Variants in PTPRO observed in about 807,000 individuals in gnomAD.
The protein encoded by PTPRO is protein tyrosine phosphatase receptor type O.
Under a neutral mutation model 145.2 loss-of-function variants are expected in PTPRO, and 62 were observed. The ratio of observed to expected loss-of-function variants is 0.43; its 90% CI spans 0.35 to 0.53. The LOEUF (loss-of-function observed/expected upper bound fraction) is 0.53. Ranked by LOEUF, PTPRO falls within the 20% of genes least tolerant of loss-of-function variation. The pLI is 0.01. For synonymous variants in PTPRO, 565 were observed against 514.7 expected, an observed-to-expected ratio of 1.10 and a Z score of -1.32; for missense variants, 1,345 against 1,482.7, an observed-to-expected ratio of 0.91 and a Z score of 1.53.
chr12:15,323,085 T>C (rs556358983), intron 1 of PTPRO, among the ~76,000 whole-genome samples: 14 of 152,360 alleles, frequency 9.2e-5, no homozygotes, highest in Admixed American at 6.5e-5. Flanking sequence ...AAAGGTGGGC[T>C]TGTTGGATCG....
At chr12:15,536,450 T>C (rs1258937291) in intron 12 of PTPRO, among the ~76,000 whole-genome samples, 1 of 152,102 alleles carries the variant, frequency 6.6e-6, no homozygotes, top group Non-Finnish European at 1.5e-5. Flanking sequence ...TCCTGGCAAG[T>C]TCAAGGAAAA....
chr12:15,434,045 CT>C (rs1565627113), intron 1 of PTPRO, among the ~76,000 whole-genome samples: 2 of 152,114 alleles, frequency 1.3e-5, no homozygotes, highest in African/African-American at 2.4e-5. Context: ...ACTGAATTCC[CT>C]GTTAATATGC....
chr12:15,462,919 TAAAC>T (rs1443936075), intron 1 of PTPRO, among the ~76,000 whole-genome samples: 2 of 152,156 alleles, frequency 1.3e-5, no homozygotes. Flanking sequence ...ATTAATCAAT[TAAAC>T]AAATGCATCA....
intron 14 of PTPRO, among the ~76,000 whole-genome samples, chr12:15,549,861 G>C (rs1943406305): frequency 6.6e-6 from 1 of 152,124 alleles, no homozygotes; most frequent in Admixed American, 6.5e-5. Flanking sequence ...TGTAATATTA[G>C]TCATATATTT....
At chr12:15,570,225 T>C (rs1944011967) in intron 19 of PTPRO, among the ~76,000 whole-genome samples, 1 of 152,146 alleles carries the variant, frequency 6.6e-6, no homozygotes, top group African/African-American at 2.4e-5. Context: ...TAACACAGTC[T>C]AAATGGCCCC....
At chr12:15,508,853 G>A in intron 7 of PTPRO, 86 bp downstream of exon 7, 1 of 1,379,932 alleles carries the variant, frequency 7.2e-7, no homozygotes, top group Non-Finnish European at 1.0e-6. Flanking sequence ...ATTGTAGGAA[G>A]CCAGGCTGAG....
chr12:15,513,221 G>GAAAGA (rs1375493837), intron 7 of PTPRO, among the ~76,000 whole-genome samples: 1 of 112,548 alleles, frequency 8.9e-6, no homozygotes. Context: ...AAGAAAGAAA[G>GAAAGA]AAAGAAAAGA....
chr12:15,395,525 A>T (rs143387153), intron 1 of PTPRO, among the ~76,000 whole-genome samples: 1 of 152,058 alleles, frequency 6.6e-6, no homozygotes, highest in Non-Finnish European at 1.5e-5. Context: ...TAAAAAAAAA[A>T]TCTTCCTATA....
At chr12:15,546,430 T>C in intron 12 of PTPRO, 139 bp from the exon 13 acceptor site, 1 of 1,475,058 alleles carries the variant, frequency 6.8e-7, no homozygotes. Context: ...AAGGACATAT[T>C]TCAAAGGCAA....
intron 1 of PTPRO, among the ~76,000 whole-genome samples, chr12:15,351,153 G>A (rs184765828): frequency 5.9e-5 from 9 of 152,064 alleles, no homozygotes; most frequent in East Asian, 1.9e-4. Flanking sequence ...GTGTGCTGCC[G>A]TTCCCAGGAT....
At chr12:15,522,867 G>A (rs1042970683) in intron 10 of PTPRO, among the ~76,000 whole-genome samples, 1 of 152,178 alleles carries the variant, frequency 6.6e-6, no homozygotes, top group Non-Finnish European at 1.5e-5. Context: ...ATACTTCTGG[G>A]TTTGCAATTT....
chr12:15,351,315 C>T (rs907815466), intron 1 of PTPRO, among the ~76,000 whole-genome samples: 1 of 152,070 alleles, frequency 6.6e-6, no homozygotes, highest in African/African-American at 2.4e-5. Context: ...TTAATATGTA[C>T]TTTTATTCTT....
At chr12:15,485,760 A>G (rs1255502122) in intron 2 of PTPRO, among the ~76,000 whole-genome samples, 2 of 152,208 alleles carry the variant, frequency 1.3e-5, no homozygotes, top group Non-Finnish European at 2.9e-5. Flanking sequence ...TTTCTAGAAT[A>G]TCACTTAGCA....
chr12:15,331,639 A>C (rs1216275988), intron 1 of PTPRO, among the ~76,000 whole-genome samples: 2 of 152,216 alleles, frequency 1.3e-5, no homozygotes, highest in Non-Finnish European at 1.5e-5. Flanking sequence ...AAATAGTAAA[A>C]ATAGGCAAAG....
intron 12 of PTPRO, among the ~76,000 whole-genome samples, chr12:15,527,875 A>ACCCCCCCCCCCCCCCCCCCC (rs1555173370): frequency 6.5e-5 from 9 of 137,744 alleles, no homozygotes; most frequent in South Asian, 2.3e-4. Flanking sequence ...GGGAACTGTG[A>ACCCCCCCCCCCCCCCCCCCC]CCCGCCCACG....
At chr12:15,348,758 AC>A (rs1424858007) in intron 1 of PTPRO, 1 of 150,390 alleles carries the variant, frequency 6.6e-6, no homozygotes, top group Non-Finnish European at 1.5e-5. Context: ...ACTGCATTCC[AC>A]CCTGGGCGAC....
chr12:15,526,295 A>AATC (rs1430037721), intron 12 of PTPRO, 33 bp downstream of exon 12: 1 of 1,612,022 alleles, frequency 6.2e-7, no homozygotes. Context: ...GGTGTGAAAT[A>AATC]ATCACTAATG....
chr12:15,568,046 A>C (rs937169553), intron 18 of PTPRO, among the ~76,000 whole-genome samples: 3 of 152,222 alleles, frequency 2.0e-5, no homozygotes, highest in African/African-American at 7.2e-5. Flanking sequence ...AAATTTACTA[A>C]AATGTTAACA....
At chr12:15,401,042 G>A (rs542632796) in intron 1 of PTPRO, among the ~76,000 whole-genome samples, 3 of 152,252 alleles carry the variant, frequency 2.0e-5, no homozygotes, top group East Asian at 3.9e-4. Context: ...ATGCCCATCA[G>A]GTTGACTGGG....
Sources: allele counts gnomAD v4.1 joint callset (sites outside exome capture counted in the v4.1 genomes callset), GRCh38; gene constraint gnomAD v4.1.1; transcripts MANE v1.5; gene names NCBI Gene and HGNC (gene_info 2026-07-23, HGNC 2026-07-21).